RNF111: variants seen among roughly 807,000 people sequenced by gnomAD.
RNF111 encodes the protein ring finger protein 111, also known as E3 ubiquitin-protein ligase Arkadia.
RNF111 carries 17 observed loss-of-function variants against 95.1 expected under a neutral mutation model. The observed-to-expected ratio is 0.18, with a 90% CI of 0.12 to 0.27. The LOEUF (loss-of-function observed/expected upper bound fraction) is 0.27. Among genes scored for constraint, RNF111 ranks in the 10% least tolerant of loss-of-function variants. The pLI, the probability that RNF111 is intolerant of heterozygous loss-of-function variation, is 1.00. For missense variants in RNF111, 1,189 were observed against 1,210.4 expected (o/e 0.98, Z 0.26); for synonymous variants, 440 against 414.8 (o/e 1.06, Z -0.74).
chr15:59,059,418 A>G (rs1354378337), intron 5 of RNF111, among the ~76,000 whole-genome samples: 3 of 152,176 alleles, frequency 2.0e-5, no homozygotes, highest in Non-Finnish European at 4.4e-5. Flanking sequence ...AGGAATGCAA[A>G]ATGGTGCAAC....
Position 59,017,572 on chromosome 15 carries a change from A to G in RNF111, c.-19-13232A>G, listed in dbSNP as rs191133682. On this transcript the variant is annotated intron_variant, in intron 1 of 13. Transcript: ENST00000348370. Reference sequence around the variant, plus strand: ...AGAGAACTCTTCAGTTCCAATCTCCAAGGAAATCTGGAAGCCACTTAAAGT... The same window carrying G: ...AGAGAACTCTTCAGTTCCAATCTCCGAGGAAATCTGGAAGCCACTTAAAGT... 2.1e-3 allele frequency among the ~76,000 whole-genome samples: 315 copies of G among 152,328 alleles called. 2 individuals are homozygous for G. In the Middle Eastern group the frequency reaches 0.031, roughly 15 times the overall value.
chr15:58,995,551 C>T (rs950249992), intron 1 of RNF111, among the ~76,000 whole-genome samples: 12 of 151,798 alleles, frequency 7.9e-5, no homozygotes, highest in African/African-American at 2.9e-4. Context: ...CTCTGCCTCC[C>T]GGGTTCAAGC....
chr15:58,995,293 T>A (rs2039012768), intron 1 of RNF111, among the ~76,000 whole-genome samples: 1 of 152,234 alleles, frequency 6.6e-6, no homozygotes, highest in Non-Finnish European at 1.5e-5. Flanking sequence ...GACATTCTTT[T>A]ATAAGGAAGA....
At chr15:59,010,807 C>G (rs1458284205) in intron 1 of RNF111, among the ~76,000 whole-genome samples, 2 of 152,074 alleles carry the variant, frequency 1.3e-5, no homozygotes, top group African/African-American at 2.4e-5. Context: ...ATGTAGGGAG[C>G]TTAGTATTAA....
intron 8 of RNF111, among the ~76,000 whole-genome samples, chr15:59,081,637 A>G (rs1007825613): frequency 2.0e-5 from 3 of 151,898 alleles, no homozygotes; most frequent in African/African-American, 7.3e-5. Context: ...GCAGGAGGAT[A>G]ATTTGAGCCC....
intron 2 of RNF111, 70 bp downstream of exon 2, chr15:59,031,772 G>T: frequency 2.2e-6 from 3 of 1,383,742 alleles, no homozygotes; most frequent in Non-Finnish European, 2.0e-6. Context: ...TTTTGTTTGT[G>T]TCTTACTGAT....
chr15:59,029,856 ATATG>A (rs1169159505), intron 1 of RNF111, among the ~76,000 whole-genome samples: 1 of 152,172 alleles, frequency 6.6e-6, no homozygotes, highest in Non-Finnish European at 1.5e-5. Flanking sequence ...TAAACTTAGA[ATATG>A]TGTGTATGCT....
chr15:59,074,168 C>T (rs1250965211), intron 6 of RNF111, among the ~76,000 whole-genome samples: 1 of 152,084 alleles, frequency 6.6e-6, no homozygotes, highest in Non-Finnish European at 1.5e-5. Flanking sequence ...AGAGCACAGG[C>T]AGAATAGATT....
chr15:59,029,055 C>T (rs1415033962), intron 1 of RNF111, among the ~76,000 whole-genome samples: 2 of 152,140 alleles, frequency 1.3e-5, no homozygotes, highest in African/African-American at 2.4e-5. Context: ...GGTGGGATTA[C>T]AGACATGAGC....
rs2078730886 is a variant in RNF111 at position 59,081,165 on chromosome 15, T to C, written c.2178T>C (p.Pro726=). 4 of 1,614,014 alleles carry C rather than the reference T, an allele frequency of 2.5e-6. No individual in the cohort carries two copies. The highest frequency in any genetic ancestry group is 1.3e-5 in the African/African-American group (1 of 74,910). ...CACCAATCCCTCAGCATCTTCCTCC[T>C]ACACACCAGCCAATTTCGCACCATA... ...TAAPIPQHLP[P]THQPISHHIP... The change falls in exon 8 of 14, where the codon CCT becomes CCC. Residue 726 remains proline (P), a synonymous_variant. Transcript: ENST00000348370.
chr15:59,008,909 C>G (rs1040532296), intron 1 of RNF111, among the ~76,000 whole-genome samples: 2 of 152,102 alleles, frequency 1.3e-5, no homozygotes, highest in Non-Finnish European at 2.9e-5. Flanking sequence ...AGTATACTTT[C>G]ATTTGTTCCC....
intron 2 of RNF111, among the ~76,000 whole-genome samples, chr15:59,039,890 G>A (rs1347895648): frequency 6.6e-6 from 1 of 151,656 alleles, no homozygotes; most frequent in Non-Finnish European, 1.5e-5. Context: ...CTAATTTTTT[G>A]TGTTTTAGTA....
chr15:59,041,888 A>T (rs2041469093), intron 2 of RNF111, among the ~76,000 whole-genome samples: 2 of 150,532 alleles, frequency 1.3e-5, no homozygotes, highest in South Asian at 4.2e-4. Flanking sequence ...TTTAATGTGT[A>T]ATGTGTATCT....
intron 10 of RNF111, among the ~76,000 whole-genome samples, chr15:59,086,864 TTA>T (rs1265063018): frequency 1.3e-5 from 2 of 152,172 alleles, no homozygotes; most frequent in Non-Finnish European, 2.9e-5. Context: ...GATTTTAGAG[TTA>T]TTTAATCAGA....
At chr15:59,053,958 C>G (rs2042100377) in intron 3 of RNF111, among the ~76,000 whole-genome samples, 1 of 152,030 alleles carries the variant, frequency 6.6e-6, no homozygotes, top group Admixed American at 6.6e-5. Context: ...TTTTTTGAGA[C>G]AGAGTCTCCC....
At chr15:59,041,584 A>G (rs1311276000) in intron 2 of RNF111, among the ~76,000 whole-genome samples, 1 of 152,192 alleles carries the variant, frequency 6.6e-6, no homozygotes, top group East Asian at 1.9e-4. Context: ...AATTACTGCA[A>G]TAAATAGCTT....
chr15:58,997,826 C>A (rs542277479), intron 1 of RNF111, among the ~76,000 whole-genome samples: 350 of 151,092 alleles, frequency 2.3e-3, no homozygotes, highest in Non-Finnish European at 4.1e-3. Context: ...AAAAAAAAAA[C>A]AAAAACCCAA....
intron 1 of RNF111, among the ~76,000 whole-genome samples, chr15:59,013,912 C>T (rs992828514): frequency 1.3e-5 from 2 of 151,970 alleles, no homozygotes; most frequent in African/African-American, 2.4e-5. Flanking sequence ...CCTCAGCGTC[C>T]CGAGTAGCTG....
At chr15:59,061,118 G>A (rs1225199784) in intron 5 of RNF111, among the ~76,000 whole-genome samples, 4 of 152,000 alleles carry the variant, frequency 2.6e-5, no homozygotes, top group Admixed American at 6.6e-5. Context: ...TTATTCTTAC[G>A]TACATTTTAT....
Sources: allele counts gnomAD v4.1 joint callset (sites outside exome capture counted in the v4.1 genomes callset), GRCh38; gene constraint gnomAD v4.1.1; transcripts MANE v1.5; gene names NCBI Gene and HGNC (gene_info 2026-07-23, HGNC 2026-07-21).